Variants in SLC16A5 observed in about 807,000 individuals in gnomAD.
SLC16A5 encodes the protein solute carrier family 16 member 5.
A neutral mutation model predicts 33.2 loss-of-function variants in SLC16A5; 29 were observed. The observed-to-expected ratio is 0.87, with a 90% CI of 0.65 to 1.19. The LOEUF (loss-of-function observed/expected upper bound fraction) is 1.19, where lower values mean the gene tolerates loss of function less well. Among genes scored for constraint, SLC16A5 ranks in the 50% most tolerant of loss-of-function variants. SLC16A5 has a pLI of 0.00. For missense variants in SLC16A5, 606 were observed against 678.2 expected (o/e 0.89, Z 1.18); for synonymous variants, 248 against 284.1 (o/e 0.87, Z 1.28).
chr17:75,095,765 T>C (rs1231657742), intron 3 of SLC16A5, among the ~76,000 whole-genome samples: 3 of 152,054 alleles, frequency 2.0e-5, no homozygotes, highest in Non-Finnish European at 4.4e-5. Flanking sequence ...GTTCAAGCGA[T>C]TCTCCTGCCT....
At chr17:75,089,999 T>TC (rs397796384) in intron 2 of SLC16A5, 2 of 152,058 alleles carry the variant, frequency 1.3e-5, no homozygotes, top group African/African-American at 2.4e-5. Flanking sequence ...TTTCTTTTTT[T>TC]CTTTTTCTTT....
chr17:75,095,916 C>T (rs892707026), intron 3 of SLC16A5, among the ~76,000 whole-genome samples: 3 of 151,814 alleles, frequency 2.0e-5, no homozygotes, highest in African/African-American at 7.3e-5. Flanking sequence ...GCCTTGGCCT[C>T]CCAAAGTGCT....
intron 3 of SLC16A5, among the ~76,000 whole-genome samples, chr17:75,095,601 G>T (rs374317826): frequency 6.6e-6 from 1 of 152,018 alleles, no homozygotes; most frequent in East Asian, 1.9e-4. Context: ...AAGCTCAAGC[G>T]ATCCTGCCAC....
chr17:75,104,046 C>T lies in SLC16A5; in HGVS notation c.1230C>T (p.Leu410=), dbSNP rs557033252. ...GCTTCTTCCTCATCTCAGCTGCCCT[C>T]TTCATGGGTGGCAGCTTCTACGCCC... ...MSSFFLISAA[L]FMGGSFYALQ... is the part of the protein sequence containing the mutation. The change falls in exon 6 of 7, where the codon CTC becomes CTT. Residue 410 remains leucine, a synonymous_variant. Coordinates refer to ENST00000329783, the MANE Select transcript of SLC16A5 (RefSeq NM_004695.4). The T allele has an allele frequency of 3.1e-6, 5 of 1,614,228 alleles. 1 individual carries two copies. The African/African-American group carries it at 4.0e-5, about 13-fold the overall frequency.
intron 3 of SLC16A5, among the ~76,000 whole-genome samples, chr17:75,094,744 G>A (rs984018701): frequency 1.3e-5 from 2 of 151,480 alleles, no homozygotes; most frequent in Non-Finnish European, 2.9e-5. Flanking sequence ...CAGCTCTCCC[G>A]GGACTCCCTG....
chr17:75,097,994 ACCT>A, intron 3 of SLC16A5, 41 bp from the exon 4 acceptor site: 1 of 1,559,146 alleles, frequency 6.4e-7, no homozygotes. Context: ...CTCTCCCGCC[ACCT>A]CCTCATTCAG....
intron 1 of SLC16A5, among the ~76,000 whole-genome samples, chr17:75,088,419 CT>C (rs1488337656): frequency 6.6e-6 from 1 of 152,204 alleles, no homozygotes; most frequent in African/African-American, 2.4e-5. Flanking sequence ...TCCCAGTTGC[CT>C]GTCCCAAACC....
In SLC16A5 at chr17:75,100,044, G is replaced by C. The variant is rs201721750; in HGVS notation, c.381G>C (p.Thr127=). The change falls in exon 5 of 7, where the codon ACG becomes ACC. Residue 127 remains threonine (T), a synonymous_variant. Coordinates refer to ENST00000329783, the MANE Select transcript of SLC16A5 (RefSeq NM_004695.4). The part of the protein sequence containing the change: ...GMCFSFQSSI[T]VLGFYFVRRR... ...GCTTCAGCTTCCAGTCAAGCATCAC[G>C]GTGCTGGGCTTCTACTTTGTCCGCC... 1.2e-6 allele frequency: 2 copies of C among 1,612,800 alleles called. No homozygotes were observed. Among genetic ancestry groups the C allele is most frequent in the Non-Finnish European group, 1.7e-6 (2 of 1,179,940 alleles).
chr17:75,102,735 T>C (rs1468222579), intron 5 of SLC16A5, among the ~76,000 whole-genome samples: 2 of 149,098 alleles, frequency 1.3e-5, no homozygotes, highest in African/African-American at 5.2e-5. Context: ...GAATTCTTTT[T>C]TCTTTTTTTT....
intron 2 of SLC16A5, among the ~76,000 whole-genome samples, chr17:75,093,064 G>A (rs564664392): frequency 8.5e-5 from 13 of 152,170 alleles, no homozygotes; most frequent in Admixed American, 1.3e-4. Context: ...GCACCGGCCT[G>A]CTCACTCAGG....
In SLC16A5 at chr17:75,088,706, C is replaced by G. The variant is rs576364428; in HGVS notation, c.-202-445C>G. Among the ~76,000 whole-genome samples, 10 of 152,246 alleles carry G rather than the reference C, an allele frequency of 6.6e-5. No individual in the cohort carries two copies. The South Asian group carries it at 8.3e-4, about 13-fold the overall frequency. ...TGCCTCATTTCCAGCCCGGGGCTCT[C>G]CCACCATGGGAGAAGAGCTGGGAAG... On this transcript the variant is annotated intron_variant, in intron 1 of 6. Transcript: ENST00000329783.
intron 5 of SLC16A5, among the ~76,000 whole-genome samples, chr17:75,103,256 C>T (rs1264300874): frequency 6.6e-6 from 1 of 151,752 alleles, no homozygotes; most frequent in East Asian, 1.9e-4. Context: ...GAACTCCTGA[C>T]CTCGTGATCC....
downstream of SLC16A5, among the ~76,000 whole-genome samples, chr17:75,109,669 C>G (rs2073891069): frequency 1.3e-5 from 2 of 152,200 alleles, no homozygotes; most frequent in South Asian, 4.1e-4. The surrounding 1 kb of genome is among the most constrained non-coding windows in gnomAD (Gnocchi z 5.0). Flanking sequence ...GCGGGAAAGC[C>G]GAGCGAGGCC....
At chr17:75,092,857 GTGTTTATTATTC>G (rs2073660683) in intron 2 of SLC16A5, among the ~76,000 whole-genome samples, 1 of 145,354 alleles carries the variant, frequency 6.9e-6, no homozygotes, top group African/African-American at 2.6e-5. Flanking sequence ...GTGTGTGTGT[GTGTTTATTATTC>G]AGTGTGATTG....
chr17:75,097,342 T>C (rs1263269921), intron 3 of SLC16A5, among the ~76,000 whole-genome samples: 3 of 151,812 alleles, frequency 2.0e-5, no homozygotes, highest in Admixed American at 6.6e-5. Context: ...GGGGTGTGGA[T>C]TGGTGAGAAA....
chr17:75,099,287 G>A (rs1267285648), intron 4 of SLC16A5, among the ~76,000 whole-genome samples: 1 of 152,194 alleles, frequency 6.6e-6, no homozygotes, highest in Non-Finnish European at 1.5e-5. Context: ...AGCCTGAGAT[G>A]GCATCTGAGA....
rs184219225 is a variant in SLC16A5, at chr17:75,104,874, C to T, written c.1364+694C>T. On this transcript the variant is annotated intron_variant, in intron 6 of 6. Coordinates refer to ENST00000329783, the MANE Select transcript of SLC16A5 (RefSeq NM_004695.4). ...GAGCCCTGCTCAGGTTTGTCCCAGC[C>T]GGCTCAGCGCAGCTGGCTGTGTGTT... is the stretch of plus-strand genomic sequence containing the variant. The T allele has an allele frequency of 5.4e-5, 53 of 985,434 alleles. No individual in the cohort carries two copies. In the Admixed American group the frequency reaches 1.4e-3, roughly 26 times the overall value. 61.0% of individuals were successfully genotyped at this position (985,434 alleles called of 1,614,324 possible). A position where few individuals can be genotyped will look rare whatever the true frequency, so the allele number is the denominator to read the frequency against.
rs1306653078 is a variant in SLC16A5, at chr17:75,100,327, A to G, written c.664A>G (p.Thr222Ala). Residue 222 changes from threonine (T) to alanine (A), a missense_variant, in exon 5 of 7, where the codon ACC becomes GCC. By Grantham distance (58) the Thr-to-Ala change is moderately conservative. Transcript: ENST00000329783. ...ALGCLAACGR[T>A]IQRHLAFDIL... ...TGGCTGCCTGGCTGCATGCGGCCGG[A>G]CCATCCAGCGCCACCTGGCCTTCGA... 6.2e-7 allele frequency: 1 copy of G among 1,613,998 alleles called. No homozygotes were observed. Among genetic ancestry groups the G allele is most frequent in the Non-Finnish European group, 8.5e-7 (1 of 1,180,036 alleles).
chr17:75,100,446 A>G lies in SLC16A5; in HGVS notation c.783A>G (p.Pro261=), dbSNP rs772132113. The change falls in exon 5 of 7, where the codon CCA becomes CCG. Residue 261 remains proline (P), a synonymous_variant. Coordinates refer to ENST00000329783, the MANE Select transcript of SLC16A5 (RefSeq NM_004695.4). ...CACTGCCACAAGTCTTCCTGGTGCC[A>G]TATGCCATGTGGCACAGCGTGGACG... The part of the protein sequence containing the change: ...GFPLPQVFLV[P]YAMWHSVDEQ... 1 of 1,614,228 alleles carries G rather than the reference A, an allele frequency of 6.2e-7. No homozygotes were observed. The highest frequency in any genetic ancestry group is 1.3e-5 in the African/African-American group (1 of 75,064).
Sources: gnomAD v4.1 joint callset for allele counts (sites outside exome capture counted in the v4.1 genomes callset) on GRCh38, gnomAD v4.1.1 for gene constraint, Gnocchi (gnomAD v3.1) non-coding constraint, MANE v1.5 for transcripts, NCBI Gene and HGNC (gene_info 2026-07-23, HGNC 2026-07-21) for gene names.